Variants in AKAP13 observed in about 807,000 individuals in gnomAD.
The protein encoded by AKAP13 is A-kinase anchoring protein 13.
AKAP13 carries 80 observed loss-of-function variants against 264.5 expected under a neutral mutation model. That is an observed-to-expected ratio of 0.30 (90% CI 0.25 to 0.36). The LOEUF is 0.36. AKAP13 is among the 10% of genes least tolerant of loss of function. AKAP13 has a pLI of 1.00. For missense variants in AKAP13, 3,712 were observed against 3,435.2 expected (o/e 1.08, Z -2.01); for synonymous variants, 1,380 against 1,250.2 (o/e 1.10, Z -2.19).
At chr15:85,458,064 C>T (rs2074343808) in intron 1 of AKAP13, among the ~76,000 whole-genome samples, 3 of 150,470 alleles carry the variant, frequency 2.0e-5, no homozygotes, top group South Asian at 4.2e-4. Context: ...TGCTTGAACC[C>T]GGGAAGCAGA....
chr15:85,419,139 CTG>C (rs1481522150), intron 1 of AKAP13, among the ~76,000 whole-genome samples: 5 of 152,212 alleles, frequency 3.3e-5, no homozygotes, highest in Non-Finnish European at 2.9e-5. Context: ...ACAGTGGACA[CTG>C]TTTGCTTTAA....
chr15:85,549,742 C>T (rs1191985108), intron 5 of AKAP13, among the ~76,000 whole-genome samples: 3 of 152,146 alleles, frequency 2.0e-5, no homozygotes, highest in Non-Finnish European at 2.9e-5. Flanking sequence ...TACTAGGGTA[C>T]AGTATTAAAT....
Position 85,581,220 on chromosome 15 carries a change from C to T in AKAP13, c.3152C>T (p.Ser1051Phe). 3.1e-6 allele frequency: 5 copies of T among 1,614,120 alleles called. No individual in the cohort carries two copies. The highest frequency in any genetic ancestry group is 4.2e-6 in the Non-Finnish European group (5 of 1,179,978). The change falls in exon 7 of 37, where the codon TCT becomes TTT. Residue 1051 changes from serine to phenylalanine, a missense_variant. Around this residue, in one of 3 missense-constraint regions of AKAP13, gnomAD observed 2,759 missense variants for 2,411.7 expected, o/e 1.14. Transcript: ENST00000394518. ...ALLPCLLPDG[S>F]DGSDALNCSQ... is the part of the protein sequence containing the mutation. ...TTGCCATGTCTGTTGCCAGATGGGTCTGATGGGTCCGATGCTCTTAACTGC... is the reference window on the plus strand; with the variant it reads ...TTGCCATGTCTGTTGCCAGATGGGTTTGATGGGTCCGATGCTCTTAACTGC...
intron 30 of AKAP13, among the ~76,000 whole-genome samples, chr15:85,734,171 T>C (rs916413298): frequency 6.6e-5 from 10 of 152,194 alleles, no homozygotes; most frequent in African/African-American, 2.4e-4. Flanking sequence ...GGTCACCTAT[T>C]TTATGGACAT....
At chr15:85,664,788 T>C (rs1417739373) in intron 13 of AKAP13, 33 bp downstream of exon 13, 2 of 1,585,748 alleles carry the variant, frequency 1.3e-6, no homozygotes, top group Middle Eastern at 1.7e-4. Context: ...TTGGAAAAAA[T>C]ATATTTCACA....
In AKAP13 at chr15:85,724,919, TAAAC is replaced by T. The variant is rs2087515840; in HGVS notation, c.6746-1490_6746-1487del. ...GTATTTCATGGTTCTGTGATAAACT[TAAAC>T]TAAGGCTCCTTCCCTCCAGTCTTAA... is the stretch of plus-strand genomic sequence containing the variant. On this transcript the variant is annotated intron_variant, in intron 26 of 36. Transcript: ENST00000394518. This position sits in a 1 kb window ranked among gnomAD's most constrained non-coding sequence, Gnocchi z 4.2. 2.6e-5 allele frequency among the ~76,000 whole-genome samples: 4 copies of T among 152,190 alleles called. No individual in the cohort carries two copies.
At chr15:85,664,507 CCTT>C in intron 12 of AKAP13, 53 bp from the exon 13 acceptor site, 1 of 1,522,944 alleles carries the variant, frequency 6.6e-7, no homozygotes, top group Non-Finnish European at 8.9e-7. Flanking sequence ...TTTGTGTCCT[CCTT>C]TGTTTTTGAG....
chr15:85,709,763 C>T (rs1001201788), intron 18 of AKAP13, among the ~76,000 whole-genome samples: 3 of 152,022 alleles, frequency 2.0e-5, no homozygotes, highest in Admixed American at 2.0e-4. Context: ...TCTTGGCTCA[C>T]TGCAACCTCC....
rs547937036 is a variant in AKAP13, at chr15:85,630,349, T to C, written c.4162-9025T>C. Reference sequence around the variant, plus strand: ...AACATTTGTGACCCAACCAGAAATATACGTAGCACGAAAATACTCTATGCA... The same window carrying C: ...AACATTTGTGACCCAACCAGAAATACACGTAGCACGAAAATACTCTATGCA... On this transcript the variant is annotated intron_variant, in intron 8 of 36. Coordinates refer to ENST00000394518, the MANE Select transcript of AKAP13 (RefSeq NM_007200.5). Among the ~76,000 whole-genome samples, 16 of 152,080 alleles carry C rather than the reference T, an allele frequency of 1.1e-4. No individual in the cohort carries two copies. In the South Asian group the frequency reaches 3.3e-3, roughly 32 times the overall value.
At chr15:85,640,814 A>G (rs549749399) in intron 9 of AKAP13, among the ~76,000 whole-genome samples, 97 of 152,190 alleles carry the variant, frequency 6.4e-4, no homozygotes, top group African/African-American at 2.2e-3. Context: ...TTGAATATTC[A>G]TAGGAAGGAA....
intron 1 of AKAP13, among the ~76,000 whole-genome samples, chr15:85,384,715 T>A (rs2070465235): frequency 7.8e-6 from 1 of 127,500 alleles, no homozygotes; most frequent in Non-Finnish European, 1.8e-5. Context: ...AGACTCCGTC[T>A]GAAAAAAAAA....
At chr15:85,719,429 C>G in intron 23 of AKAP13, 103 bp downstream of exon 23, 2 of 1,426,526 alleles carry the variant, frequency 1.4e-6, no homozygotes, top group Non-Finnish European at 1.9e-6. Flanking sequence ...CATTTATTAT[C>G]TGTGTAAGCT....
intron 2 of AKAP13, among the ~76,000 whole-genome samples, chr15:85,487,843 C>T (rs1189366869): frequency 1.3e-5 from 2 of 152,002 alleles, no homozygotes; most frequent in Non-Finnish European, 2.9e-5. Flanking sequence ...GGGATCATCC[C>T]ACCTCAGCCT....
chr15:85,550,075 C>G (rs2077900556), intron 5 of AKAP13, among the ~76,000 whole-genome samples: 1 of 152,098 alleles, frequency 6.6e-6, no homozygotes, highest in African/African-American at 2.4e-5. Flanking sequence ...CGCCACCACG[C>G]CCGGCTTATT....
At chr15:85,594,090 TCTTAAGACA>T (rs150337436) in intron 8 of AKAP13, among the ~76,000 whole-genome samples, 36 of 152,320 alleles carry the variant, frequency 2.4e-4, no homozygotes, top group African/African-American at 8.7e-4. Flanking sequence ...ATTAGGCCCA[TCTTAAGACA>T]GTATGAATGA....
At chr15:85,539,624 C>G (rs1281690582) in intron 4 of AKAP13, among the ~76,000 whole-genome samples, 2 of 152,184 alleles carry the variant, frequency 1.3e-5, no homozygotes, top group Non-Finnish European at 2.9e-5. Flanking sequence ...GCAGGCTCAT[C>G]ATGCTTGAAT....
At chr15:85,430,821 AT>A (rs2072995350) in intron 1 of AKAP13, among the ~76,000 whole-genome samples, 1 of 152,200 alleles carries the variant, frequency 6.6e-6, no homozygotes, top group African/African-American at 2.4e-5. Flanking sequence ...TGTTATCCAC[AT>A]TTTGCAGGTG....
chr15:85,635,953 C>T (rs981136504), intron 8 of AKAP13, among the ~76,000 whole-genome samples: 7 of 152,208 alleles, frequency 4.6e-5, no homozygotes, highest in South Asian at 2.1e-4. Context: ...AATATCACCC[C>T]GGTTTGGTTA....
At chr15:85,701,727 GCCA>G (rs1436667738) in intron 17 of AKAP13, among the ~76,000 whole-genome samples, 1 of 151,866 alleles carries the variant, frequency 6.6e-6, no homozygotes, top group Non-Finnish European at 1.5e-5. Context: ...ACAGGCGTGA[GCCA>G]CCATGCCTGG....
Sources: gnomAD v4.1 joint callset for allele counts (sites outside exome capture counted in the v4.1 genomes callset) on GRCh38, gnomAD v4.1.1 for gene constraint, gnomAD v4.1.1 regional missense constraint, Gnocchi (gnomAD v3.1) non-coding constraint, MANE v1.5 for transcripts, NCBI Gene and HGNC (gene_info 2026-07-23, HGNC 2026-07-21) for gene names.